HJURP: variants seen among roughly 807,000 people sequenced by gnomAD.
HJURP encodes 14-3-3-associated AKT substrate.
HJURP carries 49 observed loss-of-function variants against 72.0 expected under a neutral mutation model. That is an observed-to-expected ratio of 0.68 (90% confidence interval 0.54 to 0.86). HJURP has a LOEUF of 0.86. Among genes scored for constraint, HJURP ranks in the 40% least tolerant of loss-of-function variants. HJURP has a pLI of 0.00. For synonymous variants in HJURP, 357 were observed against 347.1 expected, an observed-to-expected ratio of 1.03 and a Z score of -0.32; for missense variants, 908 against 936.3, an observed-to-expected ratio of 0.97 and a Z score of 0.39.
In HJURP at chr2:233,853,834, A is replaced by G. The variant is rs626110; in HGVS notation, c.184+10T>C. 6.2e-7 allele frequency: 1 copy of G among 1,608,304 alleles called. No homozygotes were observed. The highest frequency in any genetic ancestry group is 1.3e-5 in the African/African-American group (1 of 74,738). Reference sequence around the variant, plus strand: ...CACCCGAATACTCAGAAGGTGGGGAAGACCCTTACCCTGTGGCGTCTCGTA... The same window carrying G: ...CACCCGAATACTCAGAAGGTGGGGAGGACCCTTACCCTGTGGCGTCTCGTA... On this transcript the variant is annotated intron_variant, in intron 2 of 8. Coordinates refer to ENST00000411486, the MANE Select transcript of HJURP (RefSeq NM_018410.5).
rs536279948 is a variant in HJURP at position 233,847,099 on chromosome 2, C to A, written c.402+298G>T. 2.8e-4 allele frequency among the ~76,000 whole-genome samples: 43 copies of A among 152,280 alleles called. No homozygotes were observed. In the Middle Eastern group the frequency reaches 0.014, roughly 48 times the overall value. ...CTTTCCTGTCGTGTGCTCATCCAGG[C>A]AGATGGCGCCCTGCCAACCACACTG... On this transcript the variant is annotated intron_variant, in intron 5 of 8. Transcript: ENST00000411486.
rs28900705 is a variant in HJURP, at chr2:233,839,233, T to C, written c.2171+1376A>G. 7.1e-3 allele frequency among the ~76,000 whole-genome samples: 1,089 copies of C among 152,330 alleles called. 19 individuals are homozygous for C. Among genetic ancestry groups the C allele is most frequent in the African/African-American group, 0.025 (1,031 of 41,562 alleles). On this transcript the variant is annotated intron_variant, in intron 8 of 8. Transcript: ENST00000411486. ...CCAAGGAGCCTGAGCCGCTAACCCA[T>C]GAGACTGGTCTGTGTCCAGACAGCT...
intron 5 of HJURP, among the ~76,000 whole-genome samples, chr2:233,847,022 A>T (rs2124971303): frequency 6.6e-6 from 1 of 152,228 alleles, no homozygotes; most frequent in South Asian, 2.1e-4. Flanking sequence ...TACTCCCTAG[A>T]ACACCTCTCT....
chr2:233,846,289 C>T lies in HJURP; in HGVS notation c.403-469G>A, dbSNP rs1050812181. Among the ~76,000 whole-genome samples, 12 of 152,008 alleles carry T rather than the reference C, an allele frequency of 7.9e-5. No homozygotes were observed. The highest frequency in any genetic ancestry group is 1.0e-4 in the Non-Finnish European group (7 of 68,006). On this transcript the variant is annotated intron_variant, in intron 5 of 8. Transcript: ENST00000411486. This position sits in a 1 kb window ranked among gnomAD's most constrained non-coding sequence, Gnocchi z 4.3. ...CCAACATGGTGAAAGTCCATCTCTA[C>T]TACAATACAAAAATTAGCTGGGCAT...
At chr2:233,852,838 C>T (rs565533356) in intron 2 of HJURP, among the ~76,000 whole-genome samples, 4 of 152,256 alleles carry the variant, frequency 2.6e-5, no homozygotes, top group Admixed American at 6.5e-5. Flanking sequence ...TACTAGAAAA[C>T]GGCTCATCAA....
chr2:233,847,411 C>T lies in HJURP; in HGVS notation c.388G>A (p.Ala130Thr), dbSNP rs201329308. The T allele has an allele frequency of 2.5e-6, 4 of 1,613,974 alleles. No individual in the cohort carries two copies. The highest frequency in any genetic ancestry group is 1.3e-5 in the African/African-American group (1 of 75,048). The change falls in exon 5 of 9, where the codon GCT becomes ACT. Residue 130 changes from alanine (A) to threonine (T), a missense_variant. Ala to Thr is a moderately conservative substitution (Grantham distance 58). This residue lies in a region of HJURP where 299 missense variants were observed against 286.7 expected (regional missense o/e 1.04). Coordinates refer to ENST00000411486, the MANE Select transcript of HJURP (RefSeq NM_018410.5). ...GCAGCACTTACTGCTAAGGCCCAAG[C>T]AACTGACTCTTCCTGGTCTGACGTG... Reference protein sequence around the residue: ...DATSDQEESVAWALAPAVPQS... With the variant: ...DATSDQEESVTWALAPAVPQS...
In HJURP at chr2:233,854,507, C is replaced by T; in HGVS notation, c.-7G>A. ...CGCGCAGCGTACCCAGCATCGGACC[C>T]AGCCAGTACCCAAGCGCCAACCCGG... On this transcript the variant is annotated 5_prime_UTR_variant, in exon 1 of 9. Transcript: ENST00000411486. 6.2e-7 allele frequency: 1 copy of T among 1,601,358 alleles called. No individual in the cohort carries two copies. The highest frequency in any genetic ancestry group is 8.5e-7 in the Non-Finnish European group (1 of 1,172,696).
rs1308761663 is a variant in HJURP at position 233,840,636 on chromosome 2, C to T, written c.2144G>A (p.Ser715Asn). ...DNTVRPGDQG[S>N]SSQPNSEERG... ...CTCTTCTGAGTTGGGCTGTGAAGAG[C>T]TGCCCTGGTCTCCCGGTCTGACGGT... Residue 715 changes from serine to asparagine, a missense_variant, in exon 8 of 9, where the codon AGC (serine) becomes AAC (asparagine). By Grantham distance (46) the Ser-to-Asn change is conservative. Transcript: ENST00000411486. The T allele has an allele frequency of 3.1e-6, 5 of 1,604,300 alleles. No individual in the cohort carries two copies. Among genetic ancestry groups the T allele is most frequent in the African/African-American group, 2.7e-5 (2 of 74,192 alleles).
chr2:233,846,060 C>T lies in HJURP; in HGVS notation c.403-240G>A. On this transcript the variant is annotated intron_variant, in intron 5 of 8. Transcript: ENST00000411486. This position sits in a 1 kb window ranked among gnomAD's most constrained non-coding sequence, Gnocchi z 4.3. ...AAACCATGTCTAGAGAAGTTTATGA[C>T]AGCATTGCTAGACCAGGAAAAAAAA... 2.3e-6 allele frequency: 1 copy of T among 434,508 alleles called. No individual in the cohort carries two copies. Among genetic ancestry groups the T allele is most frequent in the East Asian group, 3.8e-5 (1 of 26,314 alleles). 26.9% of individuals were successfully genotyped at this position (434,508 alleles called of 1,614,324 possible). A position where few individuals can be genotyped will look rare whatever the true frequency, so the allele number is the denominator to read the frequency against.
intron 1 of HJURP, 47 bp from the exon 2 acceptor site, chr2:233,853,957 G>C: frequency 6.3e-7 from 1 of 1,575,900 alleles, no homozygotes; most frequent in South Asian, 1.1e-5. Flanking sequence ...GGCCACGAGG[G>C]GCCCCAGACC....
chr2:233,837,421 G>C lies in HJURP; in HGVS notation c.*156C>G. ...TTTATTCACATAATTTCTACACCAA[G>C]AACTCGAGGTTATCTCTGATGGAAC... is the stretch of plus-strand genomic sequence containing the variant. On this transcript the variant is annotated 3_prime_UTR_variant, in exon 9 of 9. Coordinates refer to ENST00000411486, the MANE Select transcript of HJURP (RefSeq NM_018410.5). 5.0e-6 allele frequency: 3 copies of C among 600,240 alleles called. No individual in the cohort carries two copies. Among genetic ancestry groups the C allele is most frequent in the Non-Finnish European group, 8.8e-6 (3 of 340,518 alleles). 37.2% of individuals were successfully genotyped at this position (600,240 alleles called of 1,614,324 possible).
At chr2:233,845,350 C>T (rs917606557) in intron 6 of HJURP, among the ~76,000 whole-genome samples, 1 of 152,146 alleles carries the variant, frequency 6.6e-6, no homozygotes, top group Non-Finnish European at 1.5e-5. Context: ...TGAGATTTCA[C>T]CATGTTGGCC....
chr2:233,850,628 G>A (rs1179744683), intron 3 of HJURP, among the ~76,000 whole-genome samples: 1 of 152,216 alleles, frequency 6.6e-6, no homozygotes, highest in Non-Finnish European at 1.5e-5. Flanking sequence ...TGTCAACTCT[G>A]AGGGTTCAGA....
intron 4 of HJURP, 81 bp downstream of exon 4, chr2:233,849,682 A>G: frequency 1.2e-6 from 1 of 861,562 alleles, no homozygotes; most frequent in Non-Finnish European, 1.8e-6. Context: ...CTACTGAGGA[A>G]TCTAGGCTTT....
chr2:233,836,755 T>C lies in HJURP; in HGVS notation c.*822A>G, dbSNP rs1343223794. 3.9e-5 allele frequency: 6 copies of C among 152,026 alleles called. No individual in the cohort carries two copies. The highest frequency in any genetic ancestry group is 7.2e-5 in the African/African-American group (3 of 41,384). 9.4% of individuals were successfully genotyped at this position (152,026 alleles called of 1,614,324 possible). Reference sequence around the variant, plus strand: ...ATGAGTTTCACCAATGTATTCTGAATATGTGAAATATTTCATTACAAAAAC... The same window carrying C: ...ATGAGTTTCACCAATGTATTCTGAACATGTGAAATATTTCATTACAAAAAC... On this transcript the variant is annotated 3_prime_UTR_variant, in exon 9 of 9. Transcript: ENST00000411486.
intron 8 of HJURP, among the ~76,000 whole-genome samples, chr2:233,838,830 G>C (rs998458548): frequency 6.6e-6 from 1 of 152,204 alleles, no homozygotes; most frequent in African/African-American, 2.4e-5. Flanking sequence ...ATTCTTGAAG[G>C]CTTCACTAAC....
rs757787076 is a variant in HJURP, at chr2:233,840,602, C to T, written c.2171+7G>A. On this transcript the variant is annotated splice_region_variant and intron_variant, in intron 8 of 8. Coordinates refer to ENST00000411486, the MANE Select transcript of HJURP (RefSeq NM_018410.5). ...AAACCACATTCAACCAACAGAAACA[C>T]ACCTACCTCTCTTCTGAGTTGGGCT... is the stretch of plus-strand genomic sequence containing the variant. The T allele has an allele frequency of 1.5e-5, 24 of 1,570,946 alleles. No homozygotes were observed. The highest frequency in any genetic ancestry group is 1.9e-5 in the Non-Finnish European group (22 of 1,163,794).
chr2:233,842,384 T>C (rs895354628), intron 7 of HJURP, among the ~76,000 whole-genome samples, 179 bp from the exon 8 acceptor site: 1 of 152,180 alleles, frequency 6.6e-6, no homozygotes, highest in African/African-American at 2.4e-5. Context: ...GTATCAAAAT[T>C]TGATTTCTAC....
At position 233,842,489 on chromosome 2, in the gene HJURP, G is replaced by A. The variant is rs183522843; in HGVS notation, c.575-284C>T. Among the ~76,000 whole-genome samples, 233 of 152,180 alleles carry A rather than the reference G, an allele frequency of 1.5e-3. 1 individual carries two copies. The highest frequency in any genetic ancestry group is 5.4e-3 in the African/African-American group (224 of 41,530). Reference sequence around the variant, plus strand: ...AAAAGCTAATTAGAAACTGAAAAATGACAACACTGTTTACCTACATGGATG... The same window carrying A: ...AAAAGCTAATTAGAAACTGAAAAATAACAACACTGTTTACCTACATGGATG... On this transcript the variant is annotated intron_variant, in intron 7 of 8. Coordinates refer to ENST00000411486, the MANE Select transcript of HJURP (RefSeq NM_018410.5).
Sources: allele counts gnomAD v4.1 joint callset (sites outside exome capture counted in the v4.1 genomes callset), GRCh38; gene constraint gnomAD v4.1.1; regional missense constraint gnomAD v4.1.1; non-coding constraint Gnocchi (gnomAD v3.1); transcripts MANE v1.5; gene names NCBI Gene and HGNC (gene_info 2026-07-23, HGNC 2026-07-21).